Variants in TMEM132D observed in about 807,000 individuals in gnomAD.
The protein encoded by TMEM132D is mature OL transmembrane protein.
A neutral mutation model predicts 62.3 loss-of-function variants in TMEM132D; 21 were observed. The observed-to-expected ratio is 0.34, with a 90% CI of 0.24 to 0.49. The LOEUF is 0.49. TMEM132D is among the 20% of genes least tolerant of loss of function. The pLI is 0.99. For missense variants in TMEM132D, 1,346 were observed against 1,402.8 expected (o/e 0.96, Z 0.65); for synonymous variants, 621 against 575.6 (o/e 1.08, Z -1.13).
chr12:129,326,819 T>A (rs1868928938), intron 4 of TMEM132D, among the ~76,000 whole-genome samples: 2 of 152,338 alleles, frequency 1.3e-5, no homozygotes, highest in African/African-American at 4.8e-5. Context: ...ACACATATTT[T>A]AAAAATTGGT....
At chr12:129,774,454 G>A (rs1056697842) in intron 1 of TMEM132D, among the ~76,000 whole-genome samples, 10 of 152,234 alleles carry the variant, frequency 6.6e-5, no homozygotes, top group South Asian at 2.1e-4. Flanking sequence ...TGCCTAGATC[G>A]GGTGTAACCT....
At chr12:129,140,214 CCACACACACA>C (rs58179230) in intron 5 of TMEM132D, among the ~76,000 whole-genome samples, 2 of 148,660 alleles carry the variant, frequency 1.3e-5, no homozygotes, top group South Asian at 2.2e-4. Flanking sequence ...GGCGCTGTTA[CCACACACACA>C]CACACACACA....
chr12:129,902,978 C>T (rs1458940018), intron 1 of TMEM132D, among the ~76,000 whole-genome samples: 8 of 152,150 alleles, frequency 5.3e-5, no homozygotes, highest in Non-Finnish European at 1.0e-4. Context: ...ACAGAAAAGG[C>T]TTTCAGGAAA....
chr12:129,850,031 C>A (rs187216994), intron 1 of TMEM132D, among the ~76,000 whole-genome samples: 1 of 152,322 alleles, frequency 6.6e-6, no homozygotes, highest in East Asian at 1.9e-4. Flanking sequence ...GTAAGAGCCT[C>A]CACTGAAATG....
At chr12:129,692,063 G>A (rs573217574) in intron 2 of TMEM132D, among the ~76,000 whole-genome samples, 11 of 152,008 alleles carry the variant, frequency 7.2e-5, no homozygotes, top group South Asian at 2.1e-4. Context: ...CACTCTCTCC[G>A]AGCAAGCAGA....
At chr12:129,422,344 C>T (rs993514865) in intron 3 of TMEM132D, among the ~76,000 whole-genome samples, 1 of 152,110 alleles carries the variant, frequency 6.6e-6, no homozygotes, top group Non-Finnish European at 1.5e-5. Context: ...AGAACACCTC[C>T]AAAGTGATAA....
intron 4 of TMEM132D, among the ~76,000 whole-genome samples, chr12:129,272,032 T>C (rs990090187): frequency 6.6e-6 from 1 of 151,802 alleles, no homozygotes; most frequent in Non-Finnish European, 1.5e-5. Flanking sequence ...CACCCAACAG[T>C]GTAAAAGTGT....
chr12:129,632,636 G>A (rs1044273413), intron 2 of TMEM132D, among the ~76,000 whole-genome samples: 1 of 152,150 alleles, frequency 6.6e-6, no homozygotes, highest in Non-Finnish European at 1.5e-5. Context: ...CCTCCCTCGA[G>A]GCCACTCCAT....
chr12:129,870,336 A>G (rs1874200391), intron 1 of TMEM132D, among the ~76,000 whole-genome samples: 1 of 152,042 alleles, frequency 6.6e-6, no homozygotes, highest in African/African-American at 2.4e-5. Context: ...AGATAATTTC[A>G]AGGGAGGGGC....
At chr12:129,818,491 GTGTGTGTA>G (rs1303702327) in intron 1 of TMEM132D, among the ~76,000 whole-genome samples, 2 of 149,566 alleles carry the variant, frequency 1.3e-5, no homozygotes, top group Admixed American at 6.7e-5. Flanking sequence ...TGTGTGTGTG[GTGTGTGTA>G]TGTGTGTATG....
Position 129,078,672 on chromosome 12 carries a change from C to T in TMEM132D, c.1977G>A (p.Leu659=), listed in dbSNP as rs760831122. 6.2e-7 allele frequency: 1 copy of T among 1,614,206 alleles called. No homozygotes were observed. Among genetic ancestry groups the T allele is most frequent in the Non-Finnish European group, 8.5e-7 (1 of 1,180,044 alleles). The change falls in exon 8 of 9, where the codon CTG becomes CTA. Residue 659 remains leucine, a synonymous_variant. Transcript: ENST00000422113. ...TILAEKTITV[L]DEKVTITDLG... ...GGTCTGTGATGGTCACCTTCTCGTC[C>T]AGCACAGTGATGGTCTTTTCAGCGA...
chr12:129,267,441 C>G (rs1880727384), intron 4 of TMEM132D, among the ~76,000 whole-genome samples: 1 of 152,080 alleles, frequency 6.6e-6, no homozygotes, highest in Admixed American at 6.5e-5. Context: ...ACAATTGCTT[C>G]AAAGAGAATA....
chr12:129,710,284 TTTTATTTA>T (rs147677573), intron 1 of TMEM132D, among the ~76,000 whole-genome samples: 6 of 151,728 alleles, frequency 4.0e-5, no homozygotes, highest in African/African-American at 1.5e-4. Flanking sequence ...CATTATTAAT[TTTTATTTA>T]TTTATTTATT....
chr12:129,592,505 C>T (rs867562835), intron 2 of TMEM132D, among the ~76,000 whole-genome samples: 6 of 152,158 alleles, frequency 3.9e-5, no homozygotes, highest in Admixed American at 2.0e-4. Flanking sequence ...GATATGTGTA[C>T]ACACATACAA....
intron 2 of TMEM132D, among the ~76,000 whole-genome samples, chr12:129,694,550 C>T (rs1047235816): frequency 6.6e-6 from 1 of 152,198 alleles, no homozygotes; most frequent in Non-Finnish European, 1.5e-5. Flanking sequence ...GCGCCTGTAA[C>T]AGTGGCTGAG....
intron 2 of TMEM132D, among the ~76,000 whole-genome samples, chr12:129,571,976 A>T (rs866297542): frequency 1.3e-5 from 2 of 152,212 alleles, no homozygotes; most frequent in Non-Finnish European, 2.9e-5. Flanking sequence ...ACGCACCATG[A>T]AAAGCAGCAA....
intron 2 of TMEM132D, among the ~76,000 whole-genome samples, chr12:129,583,021 AC>A (rs1877921203): frequency 1.3e-5 from 2 of 151,730 alleles, no homozygotes; most frequent in Non-Finnish European, 2.9e-5. Context: ...TATTGGCCAG[AC>A]TGGTCTTGAT....
chr12:129,211,750 G>C (rs552604006), intron 4 of TMEM132D, among the ~76,000 whole-genome samples: 4 of 152,144 alleles, frequency 2.6e-5, no homozygotes, highest in African/African-American at 9.7e-5. Flanking sequence ...ATATGCATAG[G>C]CCTTCAAAGT....
intron 4 of TMEM132D, among the ~76,000 whole-genome samples, chr12:129,304,348 C>T (rs776703474): frequency 1.1e-4 from 17 of 151,944 alleles, no homozygotes; most frequent in Non-Finnish European, 2.2e-4. Flanking sequence ...TCCTACAATA[C>T]CATGCAAAGG....
Sources: allele counts gnomAD v4.1 joint callset (sites outside exome capture counted in the v4.1 genomes callset), GRCh38; gene constraint gnomAD v4.1.1; transcripts MANE v1.5; gene names NCBI Gene and HGNC (gene_info 2026-07-23, HGNC 2026-07-21).